The following CD300LD variants were observed in gnomAD, a reference collection of about 807,000 sequenced individuals.
CD300LD encodes CD300 molecule like family member d.
CD300LD carries 18 observed loss-of-function variants against 20.3 expected under a neutral mutation model. That is an observed-to-expected ratio of 0.89 (90% CI 0.61 to 1.32). The LOEUF (loss-of-function observed/expected upper bound fraction) is 1.32. Among genes scored for constraint, CD300LD ranks in the 40% most tolerant of loss-of-function variants. The pLI is 0.00. For synonymous variants in CD300LD, 104 were observed against 90.1 expected (o/e 1.15, Z -0.87); for missense variants, 195 against 226.6 (o/e 0.86, Z 0.90).
intron 1 of CD300LD, among the ~76,000 whole-genome samples, chr17:74,591,476 AG>A (rs1328148612): frequency 1.3e-5 from 2 of 152,056 alleles, no homozygotes; most frequent in African/African-American, 4.8e-5. Context: ...CTTGGGAAAA[AG>A]GTTTGATGCT....
intron 3 of CD300LD, among the ~76,000 whole-genome samples, chr17:74,580,764 C>T (rs191443753): frequency 9.9e-5 from 15 of 152,106 alleles, no homozygotes; most frequent in Admixed American, 2.0e-4. Flanking sequence ...TCTCAGCTCA[C>T]GGATAAATTT....
intron 3 of CD300LD, among the ~76,000 whole-genome samples, chr17:74,581,147 A>G (rs2030025815): frequency 6.6e-6 from 1 of 151,910 alleles, no homozygotes; most frequent in African/African-American, 2.4e-5. Context: ...ATCAGTTTGC[A>G]CAAAAGCATG....
At chr17:74,582,587 G>A (rs908600260) in intron 2 of CD300LD, among the ~76,000 whole-genome samples, 3 of 152,196 alleles carry the variant, frequency 2.0e-5, no homozygotes, top group Non-Finnish European at 4.4e-5. Context: ...CGCTCTCCTC[G>A]GGCTAGGCTA....
At chr17:74,586,910 C>T (rs900518230) in intron 2 of CD300LD, among the ~76,000 whole-genome samples, 2 of 152,176 alleles carry the variant, frequency 1.3e-5, no homozygotes, top group African/African-American at 4.8e-5. Flanking sequence ...TGCTTATTAC[C>T]TGCCAGTTAC....
chr17:74,591,543 TATA>T (rs2030318027), intron 1 of CD300LD, among the ~76,000 whole-genome samples: 1 of 152,082 alleles, frequency 6.6e-6, no homozygotes, highest in African/African-American at 2.4e-5. Flanking sequence ...TACCCCTAGA[TATA>T]TACCCAAGAG....
intron 3 of CD300LD, among the ~76,000 whole-genome samples, chr17:74,581,503 G>T (rs1389339428): frequency 6.6e-6 from 1 of 152,352 alleles, no homozygotes; most frequent in Admixed American, 6.5e-5. Flanking sequence ...CAGGGCTGGT[G>T]AGCATCAGAC....
Position 74,585,524 on chromosome 17 carries a change from T to C in CD300LD, c.379+2987A>G, listed in dbSNP as rs117854079. ...ATAGAGACCCCAATACAAAGAATTT[T>C]ATGCTCTGCTGCTATAGCTGGAAAG... On this transcript the variant is annotated intron_variant, in intron 2 of 3. Coordinates refer to ENST00000375352, the MANE Select transcript of CD300LD (RefSeq NM_001115152.2). Among the ~76,000 whole-genome samples the C allele has an allele frequency of 7.9e-5, 12 of 152,296 alleles. No homozygotes were observed. The East Asian group carries it at 2.3e-3, about 29-fold the overall frequency.
chr17:74,592,031 A>G lies in CD300LD; in HGVS notation c.40+132T>C, dbSNP rs756236158. 16 of 1,580,116 alleles carry G rather than the reference A, an allele frequency of 1.0e-5. No individual in the cohort carries two copies. In the African/African-American group the frequency reaches 2.2e-4, roughly 21 times the overall value. ...ATAACAAAAACTTGATTGCTATTTA[A>G]TGAATATGGGCATGGATGGATGAAT... On this transcript the variant is annotated intron_variant, in intron 1 of 3. Coordinates refer to ENST00000375352, the MANE Select transcript of CD300LD (RefSeq NM_001115152.2).
At chr17:74,580,262 T>C (rs924187099) in intron 3 of CD300LD, 149 bp from the exon 4 acceptor site, 68 of 602,094 alleles carry the variant, frequency 1.1e-4, no homozygotes, top group Non-Finnish European at 9.1e-6. Context: ...TGGGGCACAG[T>C]CACACTGCTC....
chr17:74,585,245 A>G (rs1396800479), intron 2 of CD300LD, among the ~76,000 whole-genome samples: 3 of 152,194 alleles, frequency 2.0e-5, no homozygotes, highest in Non-Finnish European at 4.4e-5. Flanking sequence ...AAACGGGCTC[A>G]CCAAAAAGGT....
intron 2 of CD300LD, 94 bp from the exon 3 acceptor site, chr17:74,582,405 C>A: frequency 3.1e-6 from 3 of 962,798 alleles, no homozygotes; most frequent in Non-Finnish European, 4.7e-6. Context: ...AATTAAGGAG[C>A]CTCTGCCTTG....
At chr17:74,583,372 G>A (rs1483989331) in intron 2 of CD300LD, among the ~76,000 whole-genome samples, 1 of 152,220 alleles carries the variant, frequency 6.6e-6, no homozygotes, top group African/African-American at 2.4e-5. Flanking sequence ...AGGCATGCGA[G>A]CACAGAGGGG....
chr17:74,585,076 T>G (rs1288099627), intron 2 of CD300LD: 1 of 152,160 alleles, frequency 6.6e-6, no homozygotes, highest in Admixed American at 6.5e-5. Flanking sequence ...GGTGCAACAT[T>G]ATGTGCATTT....
intron 1 of CD300LD, among the ~76,000 whole-genome samples, chr17:74,590,225 C>G (rs1026078691): frequency 1.3e-5 from 2 of 152,114 alleles, no homozygotes; most frequent in Non-Finnish European, 2.9e-5. Flanking sequence ...CTCTTGCCTG[C>G]TGCCATATAA....
At chr17:74,591,268 A>AAAT (rs58060319) in intron 1 of CD300LD, among the ~76,000 whole-genome samples, 51,964 of 142,156 alleles carry the variant, frequency 0.37, 10,524 homozygotes, top group Non-Finnish European at 0.46. Context: ...AAAAAAATAA[A>AAAT]AATAATAATA....
In CD300LD at chr17:74,579,790, CAGG is replaced by C; in HGVS notation, c.*209_*211del. 1 of 340,062 alleles carries C rather than the reference CAGG, an allele frequency of 2.9e-6. No homozygotes were observed. 21.1% of individuals were successfully genotyped at this position (340,062 alleles called of 1,614,324 possible). ...GCCCCAGCTACTCTGGAGGTTGAGG[CAGG>C]AGGATCGCTTGAGCCTGGGAGGGGA... On this transcript the variant is annotated 3_prime_UTR_variant, in exon 4 of 4. Coordinates refer to ENST00000375352, the MANE Select transcript of CD300LD (RefSeq NM_001115152.2).
Position 74,588,547 on chromosome 17 carries a change from C to G in CD300LD, c.343G>C (p.Asp115His). 2.5e-6 allele frequency: 4 copies of G among 1,613,430 alleles called. No homozygotes were observed. Among genetic ancestry groups the G allele is most frequent in the Non-Finnish European group, 3.4e-6 (4 of 1,179,600 alleles). ...GTCACTTGAACTTTGACCCCAAGAT[C>G]AATTCCAGGTCTCTCAGTCCCACAC... is the stretch of plus-strand genomic sequence containing the variant. ...YWCGTERPGI[D>H]LGVKVQVTIN... The change falls in exon 2 of 4, where the codon GAT (aspartate) becomes CAT (histidine). Residue 115 changes from aspartate to histidine, a missense_variant. By Grantham distance (81) the Asp-to-His change is moderately conservative. Transcript: ENST00000375352.
chr17:74,582,216 A>T lies in CD300LD; in HGVS notation c.473+2T>A. On this transcript the variant is annotated splice_donor_variant, in intron 3 of 3. Transcript: ENST00000375352. LOFTEE classifies it high-confidence loss of function. ...AAAGTGGTGGGACCTGGCTCCACCTACCTGGTGAGGGGGCTGCTGGTCTTC... is the reference window on the plus strand; with the variant it reads ...AAAGTGGTGGGACCTGGCTCCACCTTCCTGGTGAGGGGGCTGCTGGTCTTC... 1 of 1,613,386 alleles carries T rather than the reference A, an allele frequency of 6.2e-7. No individual in the cohort carries two copies. Among genetic ancestry groups the T allele is most frequent in the South Asian group, 1.1e-5 (1 of 91,002 alleles).
chr17:74,580,252 T>A, intron 3 of CD300LD, 139 bp from the exon 4 acceptor site: 1 of 617,178 alleles, frequency 1.6e-6, no homozygotes, highest in Non-Finnish European at 3.0e-6. Context: ...GCCCCTTTGG[T>A]GGGGCACAGT....
Sources: allele counts gnomAD v4.1 joint callset (sites outside exome capture counted in the v4.1 genomes callset), GRCh38; gene constraint gnomAD v4.1.1; transcripts MANE v1.5; gene names NCBI Gene and HGNC (gene_info 2026-07-23, HGNC 2026-07-21).